The following SHANK2 variants were observed in gnomAD, a reference collection of about 807,000 sequenced individuals.
SHANK2 encodes SH3 and multiple ankyrin repeat domains 2.
In SHANK2, 43 loss-of-function variants were observed where a neutral mutation model predicts 133.7. The observed-to-expected ratio is 0.32, with a 90% CI of 0.25 to 0.41. SHANK2 has a LOEUF of 0.41. Among genes scored for constraint, SHANK2 ranks in the 10% least tolerant of loss-of-function variants. SHANK2 has a pLI of 1.00. For synonymous variants in SHANK2, 1,017 were observed against 952.8 expected (o/e 1.07, Z -1.24); for missense variants, 1,994 against 2,235.8 (o/e 0.89, Z 2.18).
intron 6 of SHANK2, among the ~76,000 whole-genome samples, chr11:71,098,932 C>T (rs1255923629): frequency 6.6e-6 from 1 of 152,078 alleles, no homozygotes; most frequent in Non-Finnish European, 1.5e-5. Context: ...CGTGGGGAAA[C>T]CTGATGGACA....
At chr11:71,060,107 T>G (rs927584780) in intron 9 of SHANK2, among the ~76,000 whole-genome samples, 19 of 152,324 alleles carry the variant, frequency 1.2e-4, no homozygotes, top group Non-Finnish European at 1.6e-4. Flanking sequence ...TCTGACACAG[T>G]GGTTCTCAAC....
At chr11:71,130,687 G>A (rs1446194052) in intron 3 of SHANK2, among the ~76,000 whole-genome samples, 1 of 152,124 alleles carries the variant, frequency 6.6e-6, no homozygotes, top group Non-Finnish European at 1.5e-5. Context: ...CCTTCCTCAG[G>A]TGAGACTTAC....
chr11:70,915,084 G>A (rs983117867), intron 10 of SHANK2, among the ~76,000 whole-genome samples: 1 of 152,110 alleles, frequency 6.6e-6, no homozygotes, highest in Middle Eastern at 3.2e-3. Context: ...GGGTGAAGCC[G>A]ACAGCTATTG....
chr11:71,162,208 C>T (rs1555110004), intron 2 of SHANK2, among the ~76,000 whole-genome samples: 1 of 152,204 alleles, frequency 6.6e-6, no homozygotes, highest in East Asian at 1.9e-4. Flanking sequence ...ATATTTCTTA[C>T]AGCTCTGGAT....
chr11:70,868,987 G>A (rs1949416384), intron 11 of SHANK2, among the ~76,000 whole-genome samples: 1 of 152,186 alleles, frequency 6.6e-6, no homozygotes, highest in Non-Finnish European at 1.5e-5. Context: ...GTGTGCGACT[G>A]TATAGGGAGA....
At chr11:70,586,344 A>G (rs2060252137) in intron 17 of SHANK2, among the ~76,000 whole-genome samples, 2 of 152,276 alleles carry the variant, frequency 1.3e-5, no homozygotes, top group East Asian at 3.9e-4. Flanking sequence ...AGCTGGGCAC[A>G]AGGATCACTT....
intron 10 of SHANK2, among the ~76,000 whole-genome samples, chr11:70,906,325 C>G (rs1302864058): frequency 6.6e-6 from 1 of 152,124 alleles, no homozygotes; most frequent in African/African-American, 2.4e-5. Context: ...CTCAGGTGGC[C>G]AGGGCCCTGG....
intron 17 of SHANK2, among the ~76,000 whole-genome samples, chr11:70,621,065 A>T (rs1591660184): frequency 6.6e-6 from 1 of 152,198 alleles, no homozygotes; most frequent in East Asian, 1.9e-4. Context: ...CACCTGCCTC[A>T]AAGGCTGTGG....
intron 17 of SHANK2, among the ~76,000 whole-genome samples, chr11:70,624,879 G>A (rs371724228): frequency 1.2e-4 from 18 of 152,172 alleles, no homozygotes; most frequent in African/African-American, 2.4e-4. Context: ...GGTCTCTATC[G>A]GCTCCCTCAC....
chr11:70,513,405 C>T (rs1554969565), intron 17 of SHANK2, among the ~76,000 whole-genome samples: 1 of 151,992 alleles, frequency 6.6e-6, no homozygotes, highest in African/African-American at 2.4e-5. Context: ...GAAATTTGAG[C>T]TGCTGCCACT....
At chr11:71,056,157 G>A (rs1244532273) in intron 10 of SHANK2, among the ~76,000 whole-genome samples, 2 of 152,148 alleles carry the variant, frequency 1.3e-5, no homozygotes, top group East Asian at 1.9e-4. Context: ...ATGGAGGGGC[G>A]GCAGAGCCAG....
chr11:71,095,610 A>G (rs1260874719), intron 6 of SHANK2, among the ~76,000 whole-genome samples: 2 of 152,220 alleles, frequency 1.3e-5, no homozygotes, highest in African/African-American at 4.8e-5. Context: ...GATGCCTTTC[A>G]CAAGGCGTGT....
At chr11:71,117,444 A>G (rs1565460718) in intron 4 of SHANK2, among the ~76,000 whole-genome samples, 1 of 152,180 alleles carries the variant, frequency 6.6e-6, no homozygotes, top group Non-Finnish European at 1.5e-5. Flanking sequence ...CTCAGTGATA[A>G]GAGTATCTCT....
intron 14 of SHANK2, among the ~76,000 whole-genome samples, chr11:70,709,102 T>G (rs1182850317): frequency 6.6e-6 from 1 of 152,168 alleles, no homozygotes; most frequent in Non-Finnish European, 1.5e-5. Context: ...TCCCAGTTAC[T>G]TGGGAGGCTG....
intron 15 of SHANK2, among the ~76,000 whole-genome samples, chr11:70,690,862 T>G (rs1406241737): frequency 3.3e-5 from 5 of 152,038 alleles, no homozygotes; most frequent in Non-Finnish European, 7.4e-5. Context: ...AAGCCTCATT[T>G]TTTCCAGCAA....
chr11:71,237,750 G>A (rs1954841181), intron 1 of SHANK2, among the ~76,000 whole-genome samples: 2 of 152,164 alleles, frequency 1.3e-5, no homozygotes, highest in African/African-American at 4.8e-5. Flanking sequence ...ACTAGCTGTA[G>A]AGCCTACCCC....
intron 3 of SHANK2, among the ~76,000 whole-genome samples, chr11:71,126,728 T>C (rs1248598401): frequency 6.7e-6 from 1 of 148,504 alleles, no homozygotes; most frequent in Non-Finnish European, 1.5e-5. Flanking sequence ...TAAACGACTT[T>C]TTTTTTTTTT....
intron 4 of SHANK2, 90 bp from the exon 5 acceptor site, chr11:71,113,454 CACAGAAG>C (rs1282408466): frequency 1.1e-5 from 13 of 1,207,264 alleles, no homozygotes; most frequent in Non-Finnish European, 1.2e-5. Context: ...TTGGCTATGT[CACAGAAG>C]ACGGGGAACC....
chr11:71,121,593 G>A (rs1381106643), intron 3 of SHANK2, among the ~76,000 whole-genome samples: 7 of 152,168 alleles, frequency 4.6e-5, no homozygotes, highest in Admixed American at 4.6e-4. Flanking sequence ...GTCTATTTTA[G>A]CTTTTGTTGC....
Sources: gnomAD v4.1 joint callset for allele counts (sites outside exome capture counted in the v4.1 genomes callset) on GRCh38, gnomAD v4.1.1 for gene constraint, MANE v1.5 for transcripts, NCBI Gene and HGNC (gene_info 2026-07-23, HGNC 2026-07-21) for gene names.